WWOX: variants seen among roughly 807,000 people sequenced by gnomAD.
WWOX encodes the protein WW domain-containing oxidoreductase.
Under a neutral mutation model 46.2 loss-of-function variants are expected in WWOX, and 69 were observed. That is an observed-to-expected ratio of 1.49 (90% confidence interval 1.23 to 1.82). The LOEUF is 1.82. Ranked by LOEUF, WWOX falls within the 40% of genes most tolerant of loss-of-function variation. The probability of loss-of-function intolerance (pLI) is 0.00; values close to 1 mark genes in which losing one functional copy is unlikely to be tolerated. For missense variants in WWOX, 919 were observed against 542.6 expected, an observed-to-expected ratio of 1.69 and a Z score of -6.89; for synonymous variants, 359 against 202.6, an observed-to-expected ratio of 1.77 and a Z score of -6.56.
intron 8 of WWOX, among the ~76,000 whole-genome samples, chr16:78,800,133 A>G (rs900228042): frequency 1.1e-4 from 17 of 152,192 alleles, no homozygotes; most frequent in African/African-American, 3.9e-4. Flanking sequence ...TGCACTAAAA[A>G]CAGGGTTAGA....
intron 8 of WWOX, among the ~76,000 whole-genome samples, chr16:78,539,589 T>A (rs1366824095): frequency 1.3e-5 from 2 of 152,218 alleles, no homozygotes; most frequent in African/African-American, 4.8e-5. Flanking sequence ...ACACATGCAT[T>A]TTTAAGAATT....
intron 8 of WWOX, among the ~76,000 whole-genome samples, chr16:79,157,553 A>T (rs1210981389): frequency 6.6e-6 from 1 of 152,176 alleles, no homozygotes; most frequent in Non-Finnish European, 1.5e-5. Flanking sequence ...AACCTCAGTA[A>T]TCAGTAGTTT....
chr16:79,065,293 G>A (rs1238486792), intron 8 of WWOX, among the ~76,000 whole-genome samples: 1 of 152,148 alleles, frequency 6.6e-6, no homozygotes, highest in Non-Finnish European at 1.5e-5. Context: ...ATTAACACAA[G>A]TCCAGCCAAG....
At chr16:78,545,949 C>G (rs761210961) in intron 8 of WWOX, among the ~76,000 whole-genome samples, 1 of 152,156 alleles carries the variant, frequency 6.6e-6, no homozygotes, top group Non-Finnish European at 1.5e-5. Context: ...GTTACCCTTT[C>G]AAAGGCTTTG....
chr16:78,585,739 C>A (rs762627741), intron 8 of WWOX, among the ~76,000 whole-genome samples: 1 of 150,786 alleles, frequency 6.6e-6, no homozygotes, highest in Non-Finnish European at 1.5e-5. Flanking sequence ...GGCTTCTCCA[C>A]AGAGGCCTGG....
At chr16:79,112,552 G>T (rs1186425638) in intron 8 of WWOX, among the ~76,000 whole-genome samples, 1 of 152,022 alleles carries the variant, frequency 6.6e-6, no homozygotes, top group Non-Finnish European at 1.5e-5. Context: ...CCGGCAAACG[G>T]GAGCAAGACA....
rs542067584 is a variant in WWOX, at chr16:78,837,607, C to T, written c.1057-374001C>T. On this transcript the variant is annotated intron_variant, in intron 8 of 8. Coordinates refer to ENST00000566780, the MANE Select transcript of WWOX (RefSeq NM_016373.4). ...GAAGATTTAATACAGACCTCTTAGG[C>T]GTCTGCGTGGTTCTTACCTAGAAAC... is the stretch of plus-strand genomic sequence containing the variant. Among the ~76,000 whole-genome samples the T allele has an allele frequency of 1.1e-4, 17 of 152,220 alleles. No homozygotes were observed. The East Asian group carries it at 1.5e-3, about 14-fold the overall frequency.
At chr16:78,220,709 T>C (rs1179684892) in intron 5 of WWOX, among the ~76,000 whole-genome samples, 2 of 152,194 alleles carry the variant, frequency 1.3e-5, no homozygotes, top group Non-Finnish European at 2.9e-5. Flanking sequence ...GAAAGCAGTT[T>C]ACAAATGCTG....
intron 8 of WWOX, among the ~76,000 whole-genome samples, chr16:78,433,058 C>T (rs2083261528): frequency 6.6e-6 from 1 of 151,952 alleles, no homozygotes; most frequent in African/African-American, 2.4e-5. Context: ...GTTTTTTATT[C>T]AGAAACTTTG....
In WWOX at chr16:78,602,183, C is replaced by T. The variant is rs546080998; in HGVS notation, c.1056+169431C>T. Among the ~76,000 whole-genome samples the T allele has an allele frequency of 1.6e-4, 24 of 152,272 alleles. 1 individual carries two copies. In the South Asian group the frequency reaches 4.4e-3, roughly 28 times the overall value. ...AGAGGACTGTGAGAGTTACCTCTTA[C>T]TTCAGTATTTTCCCATTCGTATTTT... On this transcript the variant is annotated intron_variant, in intron 8 of 8. Coordinates refer to ENST00000566780, the MANE Select transcript of WWOX (RefSeq NM_016373.4).
chr16:78,952,235 C>T (rs534373191), intron 8 of WWOX, among the ~76,000 whole-genome samples: 1 of 152,096 alleles, frequency 6.6e-6, no homozygotes, highest in African/African-American at 2.4e-5. Flanking sequence ...TCTACTCAGT[C>T]TTTATATTTC....
chr16:78,648,279 G>C (rs183317328), intron 8 of WWOX, among the ~76,000 whole-genome samples: 1 of 152,184 alleles, frequency 6.6e-6, no homozygotes, highest in African/African-American at 2.4e-5. Context: ...TAGATAGTCT[G>C]GAGGCCCTCT....
intron 5 of WWOX, among the ~76,000 whole-genome samples, chr16:78,379,573 A>T (rs1208628278): frequency 6.6e-6 from 1 of 152,138 alleles, no homozygotes; most frequent in Non-Finnish European, 1.5e-5. Flanking sequence ...TGTGCCAGGG[A>T]TTCTTTTGTT....
intron 8 of WWOX, chr16:78,873,644 G>C (rs1244027864): frequency 6.6e-6 from 1 of 152,054 alleles, no homozygotes; most frequent in South Asian, 2.1e-4. Context: ...TTAAAACTCA[G>C]CTGGGCATGA....
At chr16:78,754,194 G>T (rs1385575826) in intron 8 of WWOX, among the ~76,000 whole-genome samples, 1 of 152,002 alleles carries the variant, frequency 6.6e-6, no homozygotes, top group African/African-American at 2.4e-5. Flanking sequence ...CATCTTCTCT[G>T]TCTTCACTCG....
chr16:78,898,216 A>G (rs543941075), intron 8 of WWOX: 3 of 152,264 alleles, frequency 2.0e-5, no homozygotes, highest in South Asian at 4.1e-4. Context: ...ACCTTTACCA[A>G]TCACCAGGTC....
chr16:78,293,977 A>AG (rs1423861687), intron 5 of WWOX, among the ~76,000 whole-genome samples: 10 of 115,444 alleles, frequency 8.7e-5, no homozygotes, highest in Admixed American at 4.3e-4. Flanking sequence ...ACTCTGTCTC[A>AG]GAAAAAAAAA....
chr16:79,060,873 T>A (rs775032078), intron 8 of WWOX, among the ~76,000 whole-genome samples: 2 of 152,224 alleles, frequency 1.3e-5, no homozygotes, highest in Non-Finnish European at 2.9e-5. Flanking sequence ...TAATTAAAGC[T>A]TATTGTATGC....
intron 8 of WWOX, among the ~76,000 whole-genome samples, chr16:78,923,013 C>G (rs1419294802): frequency 2.5e-5 from 3 of 118,848 alleles, no homozygotes; most frequent in African/African-American, 1.0e-4. Context: ...CAGAGTTTTG[C>G]TCTTATTGCC....
Sources: allele counts gnomAD v4.1 joint callset (sites outside exome capture counted in the v4.1 genomes callset), GRCh38; gene constraint gnomAD v4.1.1; transcripts MANE v1.5; gene names NCBI Gene and HGNC (gene_info 2026-07-23, HGNC 2026-07-21).